Variants in KCTD16 observed in about 807,000 individuals in gnomAD.
The protein encoded by KCTD16 is BTB/POZ domain-containing protein KCTD16.
A neutral mutation model predicts 33.2 loss-of-function variants in KCTD16; 13 were observed. The ratio of observed to expected loss-of-function variants is 0.39; its 90% CI spans 0.25 to 0.62. The LOEUF is 0.62. KCTD16 is among the 20% of genes least tolerant of loss of function. The pLI is 0.50. For missense variants in KCTD16, 441 were observed against 525.1 expected, an observed-to-expected ratio of 0.84 and a Z score of 1.57; for synonymous variants, 197 against 195.3, an observed-to-expected ratio of 1.01 and a Z score of -0.07.
chr5:144,339,898 GC>G (rs776102579), intron 3 of KCTD16, among the ~76,000 whole-genome samples: 1 of 152,208 alleles, frequency 6.6e-6, no homozygotes, highest in Non-Finnish European at 1.5e-5. Context: ...GGAGGCTGCT[GC>G]TCAATACTTG....
intron 3 of KCTD16, among the ~76,000 whole-genome samples, chr5:144,432,274 G>T (rs1185818245): frequency 1.3e-5 from 2 of 152,144 alleles, no homozygotes; most frequent in African/African-American, 4.8e-5. Flanking sequence ...CTAGTGTTTA[G>T]CTCCTTTTAT....
chr5:144,185,602 G>T (rs1752709097), intron 2 of KCTD16, among the ~76,000 whole-genome samples: 1 of 152,074 alleles, frequency 6.6e-6, no homozygotes, highest in Admixed American at 6.6e-5. Context: ...GAGCAAGGGT[G>T]ACAGCAATAC....
chr5:144,268,037 G>GTA (rs1755194185), intron 3 of KCTD16, among the ~76,000 whole-genome samples: 1 of 152,166 alleles, frequency 6.6e-6, no homozygotes, highest in Non-Finnish European at 1.5e-5. Flanking sequence ...ACTCTGGAGT[G>GTA]TATTGCACGC....
chr5:144,215,347 T>C (rs777474358), intron 3 of KCTD16, among the ~76,000 whole-genome samples: 9 of 152,142 alleles, frequency 5.9e-5, no homozygotes, highest in Non-Finnish European at 1.3e-4. Context: ...ATATCCCCAA[T>C]AGAAAAAGAG....
intron 3 of KCTD16, among the ~76,000 whole-genome samples, chr5:144,421,888 A>G (rs1340502761): frequency 1.3e-5 from 2 of 152,140 alleles, no homozygotes; most frequent in African/African-American, 2.4e-5. Context: ...GACAGAAATC[A>G]TATAGAATTT....
chr5:144,434,905 A>G (rs774752346), intron 3 of KCTD16, among the ~76,000 whole-genome samples: 2 of 152,138 alleles, frequency 1.3e-5, no homozygotes, highest in Non-Finnish European at 2.9e-5. Flanking sequence ...AGGCTGTTAG[A>G]TGGTGGAAAT....
At chr5:144,304,025 T>C (rs570629789) in intron 3 of KCTD16, among the ~76,000 whole-genome samples, 1 of 152,320 alleles carries the variant, frequency 6.6e-6, no homozygotes, top group South Asian at 2.1e-4. Flanking sequence ...CTCCCGTTTA[T>C]ATAATCTAAA....
intron 3 of KCTD16, among the ~76,000 whole-genome samples, chr5:144,378,562 T>C (rs1752143251): frequency 6.6e-6 from 1 of 152,192 alleles, no homozygotes; most frequent in African/African-American, 2.4e-5. Flanking sequence ...AAGGCCAATA[T>C]GCAGGGCTAC....
chr5:144,346,797 T>C (rs1295086079), intron 3 of KCTD16, among the ~76,000 whole-genome samples: 2 of 152,192 alleles, frequency 1.3e-5, no homozygotes, highest in African/African-American at 2.4e-5. Context: ...TTTCTCCCAT[T>C]ATGTGGGTTG....
chr5:144,330,411 CAAA>C (rs10577099), intron 3 of KCTD16, among the ~76,000 whole-genome samples: 1,097 of 87,362 alleles, frequency 0.013, 6 homozygotes, highest in African/African-American at 0.047. Flanking sequence ...GAAACTCCAT[CAAA>C]AAAAAAAAAA....
rs566247666 is a variant in KCTD16 at position 144,197,362 on chromosome 5, C to A, written c.-326-9027C>A. Among the ~76,000 whole-genome samples, 171 of 152,250 alleles carry A rather than the reference C, an allele frequency of 1.1e-3. 1 individual carries two copies. Among genetic ancestry groups the A allele is most frequent in the Middle Eastern group, 3.4e-3 (1 of 294 alleles). The stretch of plus-strand genomic sequence containing the variant: ...TCTGATGCTCTATTCATAAACATTT[C>A]ACTTTTCACATTTGGAAACAACATT... On this transcript the variant is annotated intron_variant, in intron 2 of 3. Transcript: ENST00000512467.
chr5:144,435,060 C>T (rs1158696933), intron 3 of KCTD16, among the ~76,000 whole-genome samples: 4 of 152,044 alleles, frequency 2.6e-5, no homozygotes, highest in Non-Finnish European at 5.9e-5. Context: ...ACCCGTGGGT[C>T]CATGGTTTTT....
intron 3 of KCTD16, among the ~76,000 whole-genome samples, chr5:144,321,331 AGTCTCCAT>A (rs528837360): frequency 5.3e-4 from 80 of 152,294 alleles, no homozygotes; most frequent in African/African-American, 1.8e-3. Context: ...GTGTATTCCT[AGTCTCCAT>A]TCTGCAGCAT....
rs1442245282 is a variant in KCTD16 at position 144,241,996 on chromosome 5, T to C, written c.832+34450T>C. 6.6e-5 allele frequency among the ~76,000 whole-genome samples: 10 copies of C among 152,326 alleles called. No individual in the cohort carries two copies. In the East Asian group the frequency reaches 1.7e-3, roughly 26 times the overall value. On this transcript the variant is annotated intron_variant, in intron 3 of 3. Coordinates refer to ENST00000512467, the MANE Select transcript of KCTD16 (RefSeq NM_020768.4). ...TCTTGAAAGGAATAGTGCACAAGTGTACCCTACTTTACTCACTTTCTCTGA... is the reference window on the plus strand; with the variant it reads ...TCTTGAAAGGAATAGTGCACAAGTGCACCCTACTTTACTCACTTTCTCTGA...
intron 2 of KCTD16, among the ~76,000 whole-genome samples, chr5:144,196,407 T>C (rs1376140171): frequency 2.0e-5 from 3 of 152,150 alleles, no homozygotes; most frequent in Admixed American, 6.5e-5. Context: ...CAAATGGCAA[T>C]AAAAGGAAGG....
chr5:144,359,515 C>T (rs893016667), intron 3 of KCTD16, among the ~76,000 whole-genome samples: 3 of 152,006 alleles, frequency 2.0e-5, no homozygotes, highest in Non-Finnish European at 2.9e-5. Context: ...TGTGTTATCA[C>T]AGTAAGTTAT....
In KCTD16 at chr5:144,407,443, T is replaced by C. The variant is rs75391265; in HGVS notation, c.833-66217T>C. ...GGTTGGTTATATAGGTAAATTGCAATATAATGGGGGTTTAGCGTACATATT... is the reference window on the plus strand; with the variant it reads ...GGTTGGTTATATAGGTAAATTGCAACATAATGGGGGTTTAGCGTACATATT... On this transcript the variant is annotated intron_variant, in intron 3 of 3. Transcript: ENST00000512467. Among the ~76,000 whole-genome samples, 3 of 151,976 alleles carry C rather than the reference T, an allele frequency of 2.0e-5. No individual in the cohort carries two copies. The East Asian group carries it at 5.8e-4, about 29-fold the overall frequency.
intron 2 of KCTD16, among the ~76,000 whole-genome samples, chr5:144,175,473 C>T (rs561165689): frequency 6.6e-6 from 1 of 152,284 alleles, no homozygotes; most frequent in African/African-American, 2.4e-5. Context: ...TTGATAATTG[C>T]ATCTGTGTCT....
At chr5:144,345,683 G>A (rs1752778819) in intron 3 of KCTD16, among the ~76,000 whole-genome samples, 1 of 151,988 alleles carries the variant, frequency 6.6e-6, no homozygotes, top group Non-Finnish European at 1.5e-5. Flanking sequence ...GATTAGTGCT[G>A]TCCCACAGAC....
Sources: allele counts gnomAD v4.1 joint callset (sites outside exome capture counted in the v4.1 genomes callset), GRCh38; gene constraint gnomAD v4.1.1; transcripts MANE v1.5; gene names NCBI Gene and HGNC (gene_info 2026-07-23, HGNC 2026-07-21).